GIPC2: variants seen among roughly 807,000 people sequenced by gnomAD.
GIPC2 encodes the protein PDZ domain-containing protein GIPC2.
GIPC2 carries 30 observed loss-of-function variants against 30.6 expected under a neutral mutation model. The observed-to-expected ratio is 0.98, with a 90% CI of 0.73 to 1.33. GIPC2 has a LOEUF of 1.33. Among genes scored for constraint, GIPC2 ranks in the 40% most tolerant of loss-of-function variants. The pLI is 0.00. For missense variants in GIPC2, 414 were observed against 390.3 expected (o/e 1.06, Z -0.51); for synonymous variants, 167 against 150.0 (o/e 1.11, Z -0.83).
At chr1:78,051,140 T>TA (rs993042862) in intron 1 of GIPC2, among the ~76,000 whole-genome samples, 4 of 146,222 alleles carry the variant, frequency 2.7e-5, no homozygotes, top group Non-Finnish European at 4.5e-5. Flanking sequence ...AGACGTATAA[T>TA]AAAAAAAAGA....
intron 1 of GIPC2, among the ~76,000 whole-genome samples, chr1:78,051,026 A>C (rs772965262): frequency 6.6e-6 from 1 of 152,120 alleles, no homozygotes; most frequent in Non-Finnish European, 1.5e-5. Flanking sequence ...ATATTTGACT[A>C]CTGTAATTGT....
At chr1:78,049,736 A>G (rs1182590697) in intron 1 of GIPC2, among the ~76,000 whole-genome samples, 1 of 152,146 alleles carries the variant, frequency 6.6e-6, no homozygotes, top group African/African-American at 2.4e-5. Flanking sequence ...TTTTCATTTT[A>G]CAATTTAGTG....
chr1:78,092,145 C>A (rs962389543), intron 2 of GIPC2: 2 of 808,082 alleles, frequency 2.5e-6, no homozygotes, highest in East Asian at 5.1e-5. Flanking sequence ...GGGAGACACA[C>A]AAGATGTTTT....
At chr1:78,066,593 A>C (rs1264715911) in intron 1 of GIPC2, among the ~76,000 whole-genome samples, 33 of 152,222 alleles carry the variant, frequency 2.2e-4, no homozygotes, top group Admixed American at 2.2e-3. Flanking sequence ...ATGTATGTTC[A>C]TTGCAGCACT....
intron 1 of GIPC2, among the ~76,000 whole-genome samples, chr1:78,079,202 G>A (rs1353700055): frequency 6.6e-6 from 1 of 152,190 alleles, no homozygotes; most frequent in African/African-American, 2.4e-5. Context: ...AAGAGGACAA[G>A]TTGGGGGGCC....
chr1:78,072,365 G>A (rs755803300), intron 1 of GIPC2, among the ~76,000 whole-genome samples: 1 of 152,144 alleles, frequency 6.6e-6, no homozygotes, highest in Non-Finnish European at 1.5e-5. Flanking sequence ...CCCAGTCTAT[G>A]CATATAATTG....
chr1:78,133,233 G>A (rs780281603), intron 5 of GIPC2, among the ~76,000 whole-genome samples: 5 of 152,192 alleles, frequency 3.3e-5, no homozygotes, highest in Non-Finnish European at 5.9e-5. Flanking sequence ...TCTGTTGGGA[G>A]TTTATTCTTT....
intron 5 of GIPC2, among the ~76,000 whole-genome samples, chr1:78,130,646 A>G (rs945326130): frequency 6.6e-6 from 1 of 152,204 alleles, no homozygotes; most frequent in Non-Finnish European, 1.5e-5. Context: ...TTAAACTAGC[A>G]ATAATGATGA....
At chr1:78,069,187 C>T (rs1423163732) in intron 1 of GIPC2, 3 of 587,526 alleles carry the variant, frequency 5.1e-6, no homozygotes, top group Non-Finnish European at 6.4e-6. Context: ...CTGTTCTTGG[C>T]TGCTCTTCAC....
At chr1:78,081,887 A>G (rs867918458) in intron 2 of GIPC2, among the ~76,000 whole-genome samples, 4 of 152,126 alleles carry the variant, frequency 2.6e-5, no homozygotes, top group African/African-American at 4.8e-5. Flanking sequence ...TTTTTAATGT[A>G]CAGCTTAATG....
At chr1:78,052,804 G>A (rs987463197) in intron 1 of GIPC2, among the ~76,000 whole-genome samples, 1 of 152,160 alleles carries the variant, frequency 6.6e-6, no homozygotes, top group Non-Finnish European at 1.5e-5. Context: ...AGGCTTCCCA[G>A]AAGCTGCTTC....
In GIPC2 at chr1:78,106,342, G is replaced by A. The variant is rs372766155; in HGVS notation, c.607+11210G>A. 2.1e-3 allele frequency among the ~76,000 whole-genome samples: 313 copies of A among 151,832 alleles called. 4 individuals are homozygous for A. Among genetic ancestry groups the A allele is most frequent in the African/African-American group, 6.8e-3 (280 of 41,402 alleles). ...TGGGAGGCCGAGATGGGCGGATCACGAGGTCAGGAGATTGAGACCATCCTG... is the reference window on the plus strand; with the variant it reads ...TGGGAGGCCGAGATGGGCGGATCACAAGGTCAGGAGATTGAGACCATCCTG... On this transcript the variant is annotated intron_variant, in intron 3 of 5. Transcript: ENST00000370759.
chr1:78,091,433 G>C, intron 2 of GIPC2: 1 of 579,840 alleles, frequency 1.7e-6, no homozygotes, highest in East Asian at 2.9e-5. Context: ...CAGGGGCGGA[G>C]CCAGGGGCCT....
chr1:78,067,081 C>T (rs1284004020), intron 1 of GIPC2, among the ~76,000 whole-genome samples: 1 of 152,154 alleles, frequency 6.6e-6, no homozygotes, highest in East Asian at 1.9e-4. Context: ...TTTGTGATGT[C>T]TCAATCTTTT....
chr1:78,130,797 G>A (rs562837482), intron 5 of GIPC2, among the ~76,000 whole-genome samples: 17 of 152,188 alleles, frequency 1.1e-4, no homozygotes, highest in Middle Eastern at 3.4e-3. Flanking sequence ...ATTTTTAACC[G>A]TAAAGATTTT....
chr1:78,089,812 G>T (rs1389086216), intron 2 of GIPC2, among the ~76,000 whole-genome samples: 3 of 152,196 alleles, frequency 2.0e-5, no homozygotes, highest in African/African-American at 4.8e-5. Context: ...GCTGGAAAAT[G>T]TTTTCTGTAA....
intron 3 of GIPC2, among the ~76,000 whole-genome samples, chr1:78,116,743 C>A (rs1002199697): frequency 6.6e-6 from 1 of 152,020 alleles, no homozygotes; most frequent in African/African-American, 2.4e-5. Flanking sequence ...ATTTTCTTAA[C>A]CCAGTCTATC....
rs527358001 is a variant in GIPC2, at chr1:78,085,190, T to C, written c.426+4330T>C. On this transcript the variant is annotated intron_variant, in intron 2 of 5. Coordinates refer to ENST00000370759, the MANE Select transcript of GIPC2 (RefSeq NM_017655.6). ...TTTTCTGCATCTATTGAGATAATCA[T>C]GTTGTTTTTGTCTTTAGTTCTGTTT... Among the ~76,000 whole-genome samples, 5 of 152,342 alleles carry C rather than the reference T, an allele frequency of 3.3e-5. No individual in the cohort carries two copies. In the East Asian group the frequency reaches 5.8e-4, roughly 18 times the overall value.
chr1:78,090,238 A>G (rs1001316013), intron 2 of GIPC2, among the ~76,000 whole-genome samples: 9 of 152,194 alleles, frequency 5.9e-5, no homozygotes, highest in African/African-American at 2.2e-4. Flanking sequence ...TCTGTCGCCC[A>G]GGCTGTAGTG....
Sources: allele counts gnomAD v4.1 joint callset (sites outside exome capture counted in the v4.1 genomes callset), GRCh38; gene constraint gnomAD v4.1.1; transcripts MANE v1.5; gene names NCBI Gene and HGNC (gene_info 2026-07-23, HGNC 2026-07-21).